Variants in CRYGS observed in about 807,000 individuals in gnomAD.
The protein encoded by CRYGS is gamma-crystallin S.
In CRYGS, 13 loss-of-function variants were observed where a neutral mutation model predicts 21.3. The observed-to-expected ratio is 0.61, with a 90% CI of 0.40 to 0.97. The LOEUF (loss-of-function observed/expected upper bound fraction) is 0.97. Among genes scored for constraint, CRYGS ranks in the 50% least tolerant of loss-of-function variants. The pLI is 0.00. For missense variants in CRYGS, 205 were observed against 229.7 expected (o/e 0.89, Z 0.69); for synonymous variants, 67 against 75.0 (o/e 0.89, Z 0.55).
chr3:186,539,390 TGA>T lies in CRYGS; in HGVS notation c.227_228del (p.Leu76GlnfsTer14). On this transcript the variant is annotated frameshift_variant, in exon 2 of 3. Transcript: ENST00000307944. LOFTEE classifies it high-confidence loss of function. ...EYPEYQRWMG[L>X]NDRLSSCRAV... ...GCTCTGCAGGAGCTGAGGCGGTCGT[TGA>T]GGCCCATCCAACGCTGGTATTCAGG... 1 of 1,612,206 alleles carries T rather than the reference TGA, an allele frequency of 6.2e-7. No homozygotes were observed. The highest frequency in any genetic ancestry group is 8.5e-7 in the Non-Finnish European group (1 of 1,179,992).
rs367680173 is a variant in CRYGS, at chr3:186,538,980, C to T, written c.265-12G>A. 6.8e-6 allele frequency: 11 copies of T among 1,613,740 alleles called. No individual in the cohort carries two copies. In the African/African-American group the frequency reaches 1.5e-4, roughly 22 times the overall value. On this transcript the variant is annotated splice_polypyrimidine_tract_variant and intron_variant, in intron 2 of 2. Transcript: ENST00000307944. ...TGGCCTCCACTAGGCTGAAAAGACA[C>T]AGGAGAAAATGAACAGAAACCATTA...
intron 1 of CRYGS, chr3:186,539,826 G>A (rs1347492912): frequency 5.9e-6 from 3 of 507,102 alleles, no homozygotes; most frequent in East Asian, 3.7e-5. Flanking sequence ...ACAGAAGAGG[G>A]CTCTAATAGA....
Position 186,538,690 on chromosome 3 carries a change from A to G in CRYGS, c.*6T>C, listed in dbSNP as rs1713982758. 1.9e-6 allele frequency: 3 copies of G among 1,614,052 alleles called. No homozygotes were observed. Among genetic ancestry groups the G allele is most frequent in the Non-Finnish European group, 2.5e-6 (3 of 1,180,024 alleles). On this transcript the variant is annotated 3_prime_UTR_variant, in exon 3 of 3. Transcript: ENST00000307944. ...CCCCAGGAAGAATATGGCCCCATTCATGTCATTACTCCACAATGCGGCGGA... is the reference window on the plus strand; with the variant it reads ...CCCCAGGAAGAATATGGCCCCATTCGTGTCATTACTCCACAATGCGGCGGA...
chr3:186,544,222 G>C (rs1714135790), intron 1 of CRYGS, 84 bp downstream of exon 1: 1 of 933,030 alleles, frequency 1.1e-6, no homozygotes, highest in African/African-American at 1.6e-5. Flanking sequence ...CTCACCTCTA[G>C]GCAAAGAAGC....
intron 1 of CRYGS, among the ~76,000 whole-genome samples, chr3:186,541,242 C>T (rs1714058835): frequency 1.3e-5 from 2 of 152,168 alleles, no homozygotes; most frequent in Admixed American, 6.5e-5. Flanking sequence ...TATCTAGATA[C>T]TAATATACTA....
chr3:186,544,352 A>T lies in CRYGS; in HGVS notation c.-26T>A. 6.4e-7 allele frequency: 1 copy of T among 1,561,566 alleles called. No homozygotes were observed. Among genetic ancestry groups the T allele is most frequent in the South Asian group, 1.1e-5 (1 of 90,028 alleles). ...TTTTGGTGCATAGACTGGTTTTCCC[A>T]GTGCTGAAAGAAATTCAGGAATGGC... On this transcript the variant is annotated 5_prime_UTR_variant, in exon 1 of 3. Coordinates refer to ENST00000307944, the MANE Select transcript of CRYGS (RefSeq NM_017541.4).
chr3:186,539,900 ACAT>A (rs770700901), intron 1 of CRYGS: 4 of 355,086 alleles, frequency 1.1e-5, no homozygotes, highest in Non-Finnish European at 2.2e-5. Flanking sequence ...CTCTGTACTT[ACAT>A]CATATTATAA....
At position 186,538,947 on chromosome 3, in the gene CRYGS, T is replaced by C. The variant is rs1333230354; in HGVS notation, c.286A>G (p.Ile96Val). 1 of 1,613,948 alleles carries C rather than the reference T, an allele frequency of 6.2e-7. No individual in the cohort carries two copies. Among genetic ancestry groups the C allele is most frequent in the Non-Finnish European group, 8.5e-7 (1 of 1,179,994 alleles). The change falls in exon 3 of 3, where the codon ATT becomes GTT. Residue 96 changes from isoleucine to valine, a missense_variant. Transcript: ENST00000307944. Reference protein sequence around the residue: ...VHLPSGGQYKIQIFEKGDFSG... With the variant: ...VHLPSGGQYKVQIFEKGDFSG... ...AAATCCCCTTTCTCAAAGATCTGAA[T>C]CTTATACTGGCCTCCACTAGGCTGA...
rs766842263 is a variant in CRYGS at position 186,538,801 on chromosome 3, G to A, written c.432C>T (p.Asn144=). 4.3e-6 allele frequency: 7 copies of A among 1,614,152 alleles called. No individual in the cohort carries two copies. Among genetic ancestry groups the A allele is most frequent in the Non-Finnish European group, 5.1e-6 (6 of 1,180,018 alleles). The change falls in exon 3 of 3, where the codon AAC becomes AAT. Residue 144 remains asparagine (N), a synonymous_variant. Coordinates refer to ENST00000307944, the MANE Select transcript of CRYGS (RefSeq NM_017541.4). ...EGVWIFYELP[N]YRGRQYLLDK... ...CCAGGAGGTACTGCCTGCCACGGTA[G>A]TTGGGTAGCTCATAGAAAATCCAGA...
chr3:186,541,542 T>C (rs1214710664), intron 1 of CRYGS, among the ~76,000 whole-genome samples: 1 of 152,250 alleles, frequency 6.6e-6, no homozygotes, highest in Non-Finnish European at 1.5e-5. Flanking sequence ...AACCTTTCTC[T>C]ACAGCTCTTC....
chr3:186,539,790 TTCCTGAAGGCTGAACATGAA>T (rs1714016700), intron 1 of CRYGS, 193 bp from the exon 2 acceptor site: 10 of 615,986 alleles, frequency 1.6e-5, no homozygotes, highest in Non-Finnish European at 2.8e-5. Context: ...AAATGAGTTC[TTCCTGAAGGCTGAACATGAA>T]GCAAAACAGA....
chr3:186,544,286 A>G lies in CRYGS; in HGVS notation c.21+20T>C. 1 of 1,587,482 alleles carries G rather than the reference A, an allele frequency of 6.3e-7. No homozygotes were observed. Among genetic ancestry groups the G allele is most frequent in the Non-Finnish European group, 8.7e-7 (1 of 1,155,866 alleles). On this transcript the variant is annotated intron_variant, in intron 1 of 2. Transcript: ENST00000307944. ...ATTAGGTGAAAAGCGGGTAGGCTAA[A>G]AATCAATATGACTACTTACCTTGGT...
At chr3:186,540,020 G>A (rs568928311) in intron 1 of CRYGS, 1 of 205,214 alleles carries the variant, frequency 4.9e-6, no homozygotes, top group African/African-American at 2.3e-5. Flanking sequence ...CCCATCACTT[G>A]ACTTCAATAA....
In CRYGS at chr3:186,538,939, G is replaced by T. The variant is rs140421841; in HGVS notation, c.294C>A (p.Ile98=). ...LPSGGQYKIQ[I]FEKGDFSGQM... The stretch of plus-strand genomic sequence containing the variant: ...GACCACTAAAATCCCCTTTCTCAAA[G>T]ATCTGAATCTTATACTGGCCTCCAC... Residue 98 remains isoleucine, a synonymous_variant, in exon 3 of 3, where the codon ATC becomes ATA. Coordinates refer to ENST00000307944, the MANE Select transcript of CRYGS (RefSeq NM_017541.4). The T allele has an allele frequency of 3.5e-4, 562 of 1,614,102 alleles. 2 individuals are homozygous for T. In the African/African-American group the frequency reaches 6.5e-3, roughly 19 times the overall value.
rs747787300 is a variant in CRYGS, at chr3:186,538,712, C to T, written c.521G>A (p.Arg174His). The T allele has an allele frequency of 2.4e-5, 38 of 1,614,032 alleles. No individual in the cohort carries two copies. The highest frequency in any genetic ancestry group is 1.6e-4 in the Middle Eastern group (1 of 6,084). ...GAASPAVQSFRRIVE is the reference protein window; with the variant it reads ...GAASPAVQSFHRIVE ...TTCATGTCATTACTCCACAATGCGG[C>T]GGAAAGACTGGACAGCTGGGGAGGC... Residue 174 changes from arginine to histidine, a missense_variant, in exon 3 of 3, where the codon CGC (arginine) becomes CAC (histidine). Coordinates refer to ENST00000307944, the MANE Select transcript of CRYGS (RefSeq NM_017541.4).
intron 1 of CRYGS, among the ~76,000 whole-genome samples, chr3:186,541,474 AAAAAG>A (rs1368710168): frequency 2.0e-5 from 3 of 152,184 alleles, no homozygotes; most frequent in African/African-American, 7.2e-5. Flanking sequence ...GATGAAGAAA[AAAAAG>A]AAAAGTCTCA....
chr3:186,539,262 G>A, intron 2 of CRYGS, 93 bp downstream of exon 2: 2 of 1,549,726 alleles, frequency 1.3e-6, no homozygotes, highest in African/African-American at 1.4e-5. Flanking sequence ...TCATTAAGAG[G>A]TAGAGAAGAC....
chr3:186,538,821 T>C lies in CRYGS; in HGVS notation c.412A>G (p.Ile138Val). The C allele has an allele frequency of 6.2e-7, 1 of 1,613,958 alleles. No individual in the cohort carries two copies. Among genetic ancestry groups the C allele is most frequent in the Non-Finnish European group, 8.5e-7 (1 of 1,179,972 alleles). ...HSCKVLEGVW[I>V]FYELPNYRGR... ...CGGTAGTTGGGTAGCTCATAGAAAA[T>C]CCAGACACCCTCCAGCACCTTACAG... The change falls in exon 3 of 3, where the codon ATT becomes GTT. Residue 138 changes from isoleucine to valine, a missense_variant. Transcript: ENST00000307944.
intron 1 of CRYGS, 147 bp from the exon 2 acceptor site, chr3:186,539,744 T>C: frequency 1.1e-6 from 1 of 920,984 alleles, no homozygotes. Context: ...CTTACAACAT[T>C]GCTTTCTGAC....
Sources: gnomAD v4.1 joint callset for allele counts (sites outside exome capture counted in the v4.1 genomes callset) on GRCh38, gnomAD v4.1.1 for gene constraint, MANE v1.5 for transcripts, NCBI Gene and HGNC (gene_info 2026-07-23, HGNC 2026-07-21) for gene names.